SORCS2: variants seen among roughly 807,000 people sequenced by gnomAD.
SORCS2 encodes the protein sortilin related VPS10 domain containing receptor 2.
A neutral mutation model predicts 141.6 loss-of-function variants in SORCS2; 100 were observed. The observed-to-expected ratio is 0.71, with a 90% CI of 0.60 to 0.83. SORCS2 has a LOEUF of 0.83. Ranked by LOEUF, SORCS2 falls within the 40% of genes least tolerant of loss-of-function variation. The pLI is 0.00. For synonymous variants in SORCS2, 789 were observed against 676.9 expected (o/e 1.17, Z -2.57); for missense variants, 1,646 against 1,560.2 (o/e 1.05, Z -0.93).
intron 1 of SORCS2, among the ~76,000 whole-genome samples, chr4:7,312,698 G>C (rs922229946): frequency 5.3e-5 from 8 of 152,122 alleles, no homozygotes; most frequent in Admixed American, 1.3e-4. Context: ...ACCCTGCTGT[G>C]TGCCAGGTAC....
chr4:7,344,492 G>T (rs1178119451), intron 1 of SORCS2, among the ~76,000 whole-genome samples: 1 of 152,200 alleles, frequency 6.6e-6, no homozygotes, highest in Non-Finnish European at 1.5e-5. Context: ...TCATCACCTG[G>T]GTCCACAGAA....
chr4:7,210,982 T>G (rs1259417503), intron 1 of SORCS2, among the ~76,000 whole-genome samples: 3 of 152,044 alleles, frequency 2.0e-5, no homozygotes, highest in Non-Finnish European at 4.4e-5. Context: ...CTGGCCTGGG[T>G]GGAGTGGGCC....
intron 7 of SORCS2, among the ~76,000 whole-genome samples, chr4:7,665,450 C>T (rs1423884189): frequency 1.3e-5 from 2 of 152,192 alleles, no homozygotes; most frequent in African/African-American, 4.8e-5. Flanking sequence ...TGCATTTGCT[C>T]GTACTGTTCC....
intron 8 of SORCS2, among the ~76,000 whole-genome samples, chr4:7,669,912 T>G (rs960248125): frequency 1.2e-4 from 19 of 152,260 alleles, no homozygotes; most frequent in African/African-American, 4.6e-4. Context: ...AAGCTTTTTA[T>G]TGAGGAGAGT....
intron 2 of SORCS2, among the ~76,000 whole-genome samples, chr4:7,399,897 A>G (rs1325882374): frequency 6.6e-6 from 1 of 152,134 alleles, no homozygotes; most frequent in African/African-American, 2.4e-5. Context: ...AGCACTTCTC[A>G]GACTCCACGG....
intron 4 of SORCS2, among the ~76,000 whole-genome samples, chr4:7,639,914 T>G (rs1221149347): frequency 5.5e-5 from 5 of 90,868 alleles, no homozygotes; most frequent in Non-Finnish European, 1.2e-4. Context: ...TTTGTGGGTG[T>G]GTGTGTGTTT....
At chr4:7,490,754 G>A (rs1731268199) in intron 2 of SORCS2, among the ~76,000 whole-genome samples, 1 of 152,164 alleles carries the variant, frequency 6.6e-6, no homozygotes, top group Non-Finnish European at 1.5e-5. Flanking sequence ...GGCTATGCCT[G>A]TGAGGCCCTC....
In SORCS2 at chr4:7,621,599, A is replaced by ATG. The variant is rs1162995211; in HGVS notation, c.649-16721_649-16720dup. The stretch of plus-strand genomic sequence containing the variant: ...TATGTGTGTGTTTATGTGTGTGTCT[A>ATG]TGTGTGTGTATTTTGGGGGTGGTGG... On this transcript the variant is annotated intron_variant, in intron 3 of 26. Coordinates refer to ENST00000507866, the MANE Select transcript of SORCS2 (RefSeq NM_020777.3). Among the ~76,000 whole-genome samples the ATG allele has an allele frequency of 8.6e-5, 13 of 151,998 alleles. No homozygotes were observed. The East Asian group carries it at 2.5e-3, about 29-fold the overall frequency.
rs112994019 is a variant in SORCS2 at position 7,706,411 on chromosome 4, A to G, written c.1868+2127A>G. ...AGGGATGAGGCTGGGCTCTGCCTGG[A>G]CAGAGATGAGGCTGGGCTCTGTCTG... On this transcript the variant is annotated intron_variant, in intron 14 of 26. Transcript: ENST00000507866. Among the ~76,000 whole-genome samples, 298 of 51,160 alleles carry G rather than the reference A, an allele frequency of 5.8e-3. 2 individuals carry two copies. The highest frequency in any genetic ancestry group is 7.1e-3 in the Admixed American group (34 of 4,764). 33.6% of individuals were successfully genotyped at this position (51,160 alleles called of 152,430 possible). A position where few individuals can be genotyped will look rare whatever the true frequency, so the allele number is the denominator to read the frequency against.
At chr4:7,626,478 C>T (rs1470635385) in intron 3 of SORCS2, among the ~76,000 whole-genome samples, 1 of 152,210 alleles carries the variant, frequency 6.6e-6, no homozygotes, top group East Asian at 1.9e-4. Context: ...ACTATCGTCT[C>T]GTCACCCAGA....
chr4:7,299,439 A>G (rs965384754), intron 1 of SORCS2, among the ~76,000 whole-genome samples: 1 of 152,226 alleles, frequency 6.6e-6, no homozygotes, highest in African/African-American at 2.4e-5. Flanking sequence ...ATGGCCTCGG[A>G]TACATCTCTC....
At chr4:7,601,616 CAAAA>C (rs1168678841) in intron 3 of SORCS2, among the ~76,000 whole-genome samples, 5 of 45,632 alleles carry the variant, frequency 1.1e-4, no homozygotes, top group East Asian at 9.3e-4. Flanking sequence ...AAGACTCTCT[CAAAA>C]AAAAAAAAAA....
At chr4:7,224,436 G>A (rs576417324) in intron 1 of SORCS2, among the ~76,000 whole-genome samples, 1 of 152,094 alleles carries the variant, frequency 6.6e-6, no homozygotes, top group South Asian at 2.1e-4. Flanking sequence ...GCAGGCTTTG[G>A]CCAAGTCGTG....
At chr4:7,505,847 C>T (rs1475675577) in intron 2 of SORCS2, among the ~76,000 whole-genome samples, 1 of 152,158 alleles carries the variant, frequency 6.6e-6, no homozygotes, top group Non-Finnish European at 1.5e-5. Context: ...TCGCGGGGCC[C>T]TCATAGAGCT....
At chr4:7,624,273 G>A (rs1042339106) in intron 3 of SORCS2, among the ~76,000 whole-genome samples, 10 of 152,076 alleles carry the variant, frequency 6.6e-5, no homozygotes, top group Admixed American at 2.0e-4. Flanking sequence ...TTACATTCAC[G>A]GGCCTTTCTT....
intron 3 of SORCS2, among the ~76,000 whole-genome samples, chr4:7,626,565 C>G (rs1273932666): frequency 3.9e-5 from 6 of 152,236 alleles, no homozygotes; most frequent in African/African-American, 1.4e-4. Context: ...ATGTACATCT[C>G]TTTCTATAGC....
intron 1 of SORCS2, among the ~76,000 whole-genome samples, chr4:7,238,982 C>T (rs1192264205): frequency 6.6e-6 from 1 of 152,248 alleles, no homozygotes; most frequent in African/African-American, 2.4e-5. Flanking sequence ...AGCAGCTCCA[C>T]CACTGGGAGC....
intron 3 of SORCS2, among the ~76,000 whole-genome samples, chr4:7,620,508 G>A (rs1003685012): frequency 3.9e-5 from 6 of 152,320 alleles, no homozygotes; most frequent in East Asian, 1.9e-4. Flanking sequence ...CTTCCCAGGC[G>A]AGGGGCTCCT....
At chr4:7,667,661 G>A (rs529738070) in intron 8 of SORCS2, among the ~76,000 whole-genome samples, 1 of 152,140 alleles carries the variant, frequency 6.6e-6, no homozygotes, top group Admixed American at 6.5e-5. Flanking sequence ...GATCTCTGCT[G>A]TACTCACCTC....
Sources: gnomAD v4.1 joint callset for allele counts (sites outside exome capture counted in the v4.1 genomes callset) on GRCh38, gnomAD v4.1.1 for gene constraint, MANE v1.5 for transcripts, NCBI Gene and HGNC (gene_info 2026-07-23, HGNC 2026-07-21) for gene names.